MORN1: variants seen among roughly 807,000 people sequenced by gnomAD.
MORN1 encodes MORN repeat containing 1, also known as MORN repeat-containing protein 1.
MORN1 carries 67 observed loss-of-function variants against 61.9 expected under a neutral mutation model. The observed-to-expected ratio is 1.08, with a 90% CI of 0.89 to 1.33. The LOEUF (loss-of-function observed/expected upper bound fraction) is 1.33, where lower values mean the gene tolerates loss of function less well. Among genes scored for constraint, MORN1 ranks in the 40% most tolerant of loss-of-function variants. The probability of loss-of-function intolerance (pLI) is 0.00; values close to 1 mark genes in which losing one functional copy is unlikely to be tolerated. For missense variants in MORN1, 752 were observed against 691.2 expected, an observed-to-expected ratio of 1.09 and a Z score of -0.99; for synonymous variants, 301 against 292.0, an observed-to-expected ratio of 1.03 and a Z score of -0.31.
At chr1:2,336,415 A>T (rs1641277929) in intron 12 of MORN1, 54 bp downstream of exon 12, 3 of 1,545,228 alleles carry the variant, frequency 1.9e-6, no homozygotes, top group Middle Eastern at 2.3e-4. Flanking sequence ...CCAGCTGATG[A>T]GGAGGCCACA....
chr1:2,358,875 C>T (rs879494016), intron 8 of MORN1, among the ~76,000 whole-genome samples, 160 bp from the exon 9 acceptor site: 9 of 152,154 alleles, frequency 5.9e-5, no homozygotes, highest in Non-Finnish European at 8.8e-5. Flanking sequence ...GCTTGCCCTC[C>T]GTGGGCTCTC....
intron 10 of MORN1, among the ~76,000 whole-genome samples, chr1:2,346,743 G>A (rs1641523891): frequency 6.6e-6 from 1 of 152,096 alleles, no homozygotes; most frequent in Admixed American, 6.5e-5. Context: ...CCCCCATCTC[G>A]ACCTAAGAAG....
intron 10 of MORN1, among the ~76,000 whole-genome samples, chr1:2,353,223 A>G (rs1012102957): frequency 6.6e-6 from 1 of 152,246 alleles, no homozygotes; most frequent in Non-Finnish European, 1.5e-5. Context: ...GAGAATGCGA[A>G]GTTCATGCTT....
intron 8 of MORN1, among the ~76,000 whole-genome samples, chr1:2,360,687 G>C (rs1049192981): frequency 1.3e-5 from 2 of 152,004 alleles, no homozygotes; most frequent in African/African-American, 2.4e-5. Context: ...AGGCCCTGGA[G>C]TGTTCAGCAG....
chr1:2,337,781 A>G lies in MORN1; in HGVS notation c.1037-931T>C, dbSNP rs1449921672. ...GGCCACGGGATGTGGTGAGGGCTGG[A>G]GGTCGGCACCAGAGCTGGCTGGACA... On this transcript the variant is annotated intron_variant, in intron 10 of 13. Transcript: ENST00000378531. This position sits in a 1 kb window ranked among gnomAD's most constrained non-coding sequence, Gnocchi z 5.7. 6.6e-6 allele frequency among the ~76,000 whole-genome samples: 1 copy of G among 152,154 alleles called. No individual in the cohort carries two copies. The highest frequency in any genetic ancestry group is 1.5e-5 in the Non-Finnish European group (1 of 68,024).
intron 6 of MORN1, among the ~76,000 whole-genome samples, chr1:2,382,148 G>A (rs558643944): frequency 2.8e-4 from 43 of 152,318 alleles, no homozygotes; most frequent in African/African-American, 9.9e-4. Context: ...TGGTCCTCTG[G>A]AAGAACAGGA....
intron 13 of MORN1, chr1:2,321,889 G>T: frequency 4.0e-6 from 2 of 499,788 alleles, no homozygotes; most frequent in Non-Finnish European, 5.2e-6. Context: ...CACGACCCTC[G>T]CATGGTGGCC....
Position 2,391,499 on chromosome 1 carries a change from C to G in MORN1, c.35G>C (p.Arg12Pro). 8.0e-7 allele frequency: 1 copy of G among 1,251,126 alleles called. No individual in the cohort carries two copies. 77.5% of individuals were successfully genotyped at this position (1,251,126 alleles called of 1,614,324 possible). ...CCTAGGCGGGTCCCGACGCGGCCCG[C>G]GGGAGCTCGGGGTGCCCTCGCCCGC... ...AAAGEGTPSS[R>P]GPRRDPPRRP... is the part of the protein sequence containing the mutation. Residue 12 changes from arginine to proline, a missense_variant, in exon 1 of 14, where the codon CGC becomes CCC. Transcript: ENST00000378531.
At chr1:2,349,447 C>A (rs561865647) in intron 10 of MORN1, among the ~76,000 whole-genome samples, 13 of 152,320 alleles carry the variant, frequency 8.5e-5, no homozygotes, top group African/African-American at 2.9e-4. Context: ...ACACGCACAT[C>A]CCGAAGTCTG....
At chr1:2,324,516 G>C (rs1044075492) in intron 12 of MORN1, among the ~76,000 whole-genome samples, 8 of 152,234 alleles carry the variant, frequency 5.3e-5, no homozygotes, top group African/African-American at 1.9e-4. Context: ...GAGCCCCTGA[G>C]AGACGGCGAG....
chr1:2,390,295 C>T (rs186671932), intron 1 of MORN1, among the ~76,000 whole-genome samples: 4 of 152,202 alleles, frequency 2.6e-5, no homozygotes, highest in East Asian at 1.9e-4. Flanking sequence ...CAGAGGTGCT[C>T]GGGAGGTGGT....
chr1:2,323,333 C>CAGCGGGT, intron 13 of MORN1: 1 of 985,448 alleles, frequency 1.0e-6, no homozygotes, highest in East Asian at 1.1e-4. Context: ...GCATCCAGAC[C>CAGCGGGT]CCAGTGAGCA....
At chr1:2,346,058 G>C (rs113585364) in intron 10 of MORN1, among the ~76,000 whole-genome samples, 22 of 147,778 alleles carry the variant, frequency 1.5e-4, no homozygotes, top group African/African-American at 5.3e-4. Flanking sequence ...ACCTTCCTCA[G>C]ACAAAGCCAC....
intron 12 of MORN1, among the ~76,000 whole-genome samples, chr1:2,331,967 G>A (rs904145029): frequency 4.9e-5 from 3 of 60,676 alleles, no homozygotes; most frequent in Non-Finnish European, 5.3e-5. Context: ...CCTCTCCCTC[G>A]TGCGCCTCTC....
rs773898845 is a variant in MORN1 at position 2,332,667 on chromosome 1, TCTC to T, written c.1250+3799_1250+3801del. On this transcript the variant is annotated intron_variant, in intron 12 of 13. Transcript: ENST00000378531. The stretch of plus-strand genomic sequence containing the variant: ...GGGGTCACACTCCCGTCTCACTTGG[TCTC>T]CTGTTGTCCACACTGCAGAATCTCG... The T allele has an allele frequency of 1.8e-4, 82 of 456,522 alleles. 1 individual carries two copies. Among genetic ancestry groups the T allele is most frequent in the South Asian group, 8.4e-4 (54 of 64,560 alleles). The allele number at this position is 456,522 out of a possible 1,614,324, so 28.3% of individuals were successfully genotyped here.
chr1:2,374,301 G>A (rs924465945), intron 7 of MORN1, among the ~76,000 whole-genome samples, 160 bp downstream of exon 7: 6 of 152,200 alleles, frequency 3.9e-5, no homozygotes, highest in Non-Finnish European at 8.8e-5. Flanking sequence ...CATCAGATTA[G>A]AACATGTTTT....
intron 10 of MORN1, among the ~76,000 whole-genome samples, chr1:2,341,632 T>A (rs902551580): frequency 6.6e-6 from 1 of 150,546 alleles, no homozygotes; most frequent in African/African-American, 2.4e-5. Context: ...CAGAGGTTAC[T>A]GTGAGCCAAG....
chr1:2,330,098 A>AC (rs1456922530), intron 12 of MORN1, among the ~76,000 whole-genome samples: 1 of 151,994 alleles, frequency 6.6e-6, no homozygotes, highest in Admixed American at 6.5e-5. Context: ...CTTAATCTGC[A>AC]CCCCTCGGCT....
chr1:2,387,436 G>C lies in MORN1; in HGVS notation c.341C>G (p.Ser114Cys). ...KAGGCYEGEV[S>C]HGMREGHGFL... The stretch of plus-strand genomic sequence containing the variant: ...CGCCAGACCTTCCCGCATGCCGTGG[G>C]AGACCTCCCCTTCATAACATCCGCC... The change falls in exon 4 of 14, where the codon TCC (serine) becomes TGC (cysteine). Residue 114 changes from serine to cysteine, a missense_variant. Physicochemically the swap from Ser to Cys is moderately radical, Grantham distance 112. Transcript: ENST00000378531. 3 of 1,613,464 alleles carry C rather than the reference G, an allele frequency of 1.9e-6. No homozygotes were observed. The highest frequency in any genetic ancestry group is 2.5e-6 in the Non-Finnish European group (3 of 1,179,926).
Sources: allele counts gnomAD v4.1 joint callset (sites outside exome capture counted in the v4.1 genomes callset), GRCh38; gene constraint gnomAD v4.1.1; non-coding constraint Gnocchi (gnomAD v3.1); transcripts MANE v1.5; gene names NCBI Gene and HGNC (gene_info 2026-07-23, HGNC 2026-07-21).